HNRNPD: variants seen among roughly 807,000 people sequenced by gnomAD.
The protein encoded by HNRNPD is heterogeneous nuclear ribonucleoprotein D, also known as heterogeneous nuclear ribonucleoprotein D0.
A neutral mutation model predicts 47.9 loss-of-function variants in HNRNPD; 3 were observed. That is an observed-to-expected ratio of 0.06 (90% confidence interval 0.03 to 0.16). HNRNPD has a LOEUF of 0.16. Ranked by LOEUF, HNRNPD falls within the 10% of genes least tolerant of loss-of-function variation. The pLI is 1.00. For synonymous variants in HNRNPD, 171 were observed against 165.1 expected (o/e 1.04, Z -0.28); for missense variants, 287 against 454.2 (o/e 0.63, Z 3.35).
At chr4:82,362,740 C>T (rs1307263025) in intron 2 of HNRNPD, among the ~76,000 whole-genome samples, 1 of 151,968 alleles carries the variant, frequency 6.6e-6, no homozygotes, top group Non-Finnish European at 1.5e-5. Flanking sequence ...GGAGGGATTA[C>T]AGGCTGCACC....
intron 2 of HNRNPD, among the ~76,000 whole-genome samples, chr4:82,364,514 G>T (rs997860459): frequency 6.6e-5 from 10 of 152,140 alleles, no homozygotes; most frequent in African/African-American, 2.2e-4. Context: ...TTACTCAATG[G>T]CTTAATTTTT....
chr4:82,358,973 C>T (rs1723846295), intron 3 of HNRNPD, 153 bp from the exon 4 acceptor site: 11 of 618,786 alleles, frequency 1.8e-5, no homozygotes, highest in Non-Finnish European at 3.1e-5. Flanking sequence ...GGTGATGTAA[C>T]ATCAACTAAC....
intron 2 of HNRNPD, among the ~76,000 whole-genome samples, chr4:82,359,994 TAA>T (rs1560434867): frequency 6.6e-6 from 1 of 152,170 alleles, no homozygotes; most frequent in Non-Finnish European, 1.5e-5. Context: ...AAATGTTCAT[TAA>T]ACTTGTTAAA....
chr4:82,352,594 C>T lies in HNRNPD; in HGVS notation c.*1591G>A, dbSNP rs1282580669. ...TAACAACCCTAACACAAAAAATTTT[C>T]ATTTATTTTGACCATGAGTCAGCAA... On this transcript the variant is annotated 3_prime_UTR_variant, in exon 9 of 9. Transcript: ENST00000313899. The T allele has an allele frequency of 6.6e-6, 1 of 152,158 alleles. No homozygotes were observed. The highest frequency in any genetic ancestry group is 1.5e-5 in the Non-Finnish European group (1 of 68,014). The allele number at this position is 152,158 out of a possible 1,614,324, so 9.4% of individuals were successfully genotyped here. A position where few individuals can be genotyped will look rare whatever the true frequency, so the allele number is the denominator to read the frequency against.
intron 2 of HNRNPD, among the ~76,000 whole-genome samples, chr4:82,370,538 C>G (rs1483902374): frequency 6.6e-6 from 1 of 151,230 alleles, no homozygotes; most frequent in Non-Finnish European, 1.5e-5. Flanking sequence ...TTTTTTTTTT[C>G]CTCTTTTTTG....
chr4:82,355,963 T>C (rs943850009), intron 7 of HNRNPD: 2 of 153,358 alleles, frequency 1.3e-5, no homozygotes, highest in African/African-American at 4.8e-5. Flanking sequence ...TCCAAAAAAA[T>C]GTAAGATTGC....
Position 82,373,914 on chromosome 4 carries a change from G to A in HNRNPD, c.-236C>T, listed in dbSNP as rs1446886573. 3 of 1,019,498 alleles carry A rather than the reference G, an allele frequency of 2.9e-6. No homozygotes were observed. The highest frequency in any genetic ancestry group is 4.0e-6 in the Non-Finnish European group (3 of 745,406). The allele number at this position is 1,019,498 out of a possible 1,614,324, so 63.2% of individuals were successfully genotyped here. On this transcript the variant is annotated 5_prime_UTR_variant, in exon 1 of 9. Transcript: ENST00000313899. ...CGCTCTCTCCCGCTGCACTAAAAAA[G>A]AATAAGCACCAGCGGCGGCCGCTCT... is the stretch of plus-strand genomic sequence containing the variant.
Position 82,358,640 on chromosome 4 carries a change from C to G in HNRNPD, c.621+19G>C, listed in dbSNP as rs1723829039. ...ACACTAATTTTGACATAAACTGGGT[C>G]AAAACATTTATAACATACCTCACCA... On this transcript the variant is annotated intron_variant, in intron 4 of 8. Transcript: ENST00000313899. The G allele has an allele frequency of 6.3e-7, 1 of 1,592,566 alleles. No homozygotes were observed. The highest frequency in any genetic ancestry group is 1.1e-5 in the South Asian group (1 of 87,530).
chr4:82,357,256 G>A (rs1271203226), intron 5 of HNRNPD, 57 bp downstream of exon 5: 18 of 1,514,238 alleles, frequency 1.2e-5, no homozygotes, highest in Non-Finnish European at 1.3e-5. Flanking sequence ...AAAGATAAAT[G>A]GTTAAGCTCT....
chr4:82,355,053 T>G (rs997505040), intron 8 of HNRNPD: 2 of 474,366 alleles, frequency 4.2e-6, no homozygotes, highest in African/African-American at 4.0e-5. Flanking sequence ...AATACTTTTT[T>G]GCTGCAATTC....
At chr4:82,357,187 A>G in intron 5 of HNRNPD, 126 bp downstream of exon 5, 1 of 1,123,554 alleles carries the variant, frequency 8.9e-7, no homozygotes, top group Non-Finnish European at 1.2e-6. Context: ...AAGTTGGTCA[A>G]TGGTAAGTAA....
At position 82,373,542 on chromosome 4, in the gene HNRNPD, C is replaced by G; in HGVS notation, c.137G>C (p.Gly46Ala). The G allele has an allele frequency of 1.3e-6, 2 of 1,541,424 alleles. No homozygotes were observed. The highest frequency in any genetic ancestry group is 1.2e-5 in the South Asian group (1 of 83,242). The change falls in exon 1 of 9, where the codon GGG becomes GCG. Residue 46 changes from glycine (G) to alanine (A), a missense_variant. Physicochemically the swap from Gly to Ala is moderately conservative, Grantham distance 60. Coordinates refer to ENST00000313899, the MANE Select transcript of HNRNPD (RefSeq NM_031370.3). ...GAAAAAGSGAGTGGGTASGGT... is the reference protein window; with the variant it reads ...GAAAAAGSGAATGGGTASGGT... ...TCCAGACGCGGTTCCGCCCCCGGTC[C>G]CGGCTCCGCTTCCCGCCGCCGCCGC...
chr4:82,373,347 A>C (rs1019837431), intron 1 of HNRNPD, 99 bp downstream of exon 1: 2 of 1,449,704 alleles, frequency 1.4e-6, no homozygotes, highest in Non-Finnish European at 1.8e-6. Context: ...GGGGGCCCGG[A>C]GAACGGGCTG....
At chr4:82,355,536 T>C in intron 7 of HNRNPD, 135 bp from the exon 8 acceptor site, 1 of 650,260 alleles carries the variant, frequency 1.5e-6, no homozygotes, top group Non-Finnish European at 2.7e-6. Flanking sequence ...CCCTGAGCAA[T>C]CATTTATCAA....
At chr4:82,373,130 C>A in intron 1 of HNRNPD, 1 of 590,318 alleles carries the variant, frequency 1.7e-6, no homozygotes, top group South Asian at 1.5e-5. Flanking sequence ...CCACGACAGG[C>A]GGGAAAAAAT....
chr4:82,354,937 C>T, intron 8 of HNRNPD: 1 of 225,192 alleles, frequency 4.4e-6, no homozygotes, highest in South Asian at 6.9e-5. Flanking sequence ...GTACCCTGTC[C>T]GCATTGAGCG....
chr4:82,370,819 G>C (rs578208962), intron 2 of HNRNPD, among the ~76,000 whole-genome samples: 3 of 152,018 alleles, frequency 2.0e-5, no homozygotes, highest in Non-Finnish European at 4.4e-5. Flanking sequence ...TGGATAAAAA[G>C]AACAATACTC....
intron 1 of HNRNPD, among the ~76,000 whole-genome samples, chr4:82,372,482 G>C (rs898459629): frequency 6.6e-6 from 1 of 152,124 alleles, no homozygotes; most frequent in Non-Finnish European, 1.5e-5. Flanking sequence ...GCGGGAAACA[G>C]ATATCAAGAC....
At chr4:82,359,429 A>C in intron 3 of HNRNPD, 42 bp downstream of exon 3, 1 of 1,345,160 alleles carries the variant, frequency 7.4e-7, no homozygotes. Context: ...CCATATGTTA[A>C]TATTTTATAT....
Sources: allele counts gnomAD v4.1 joint callset (sites outside exome capture counted in the v4.1 genomes callset), GRCh38; gene constraint gnomAD v4.1.1; transcripts MANE v1.5; gene names NCBI Gene and HGNC (gene_info 2026-07-23, HGNC 2026-07-21).